Variants in KNDC1 observed in about 807,000 individuals in gnomAD.
The protein encoded by KNDC1 is kinase non-catalytic C-lobe domain containing 1, also known as kinase non-catalytic C-lobe domain-containing protein 1.
KNDC1 carries 106 observed loss-of-function variants against 172.8 expected under a neutral mutation model. The observed-to-expected ratio is 0.61, with a 90% CI of 0.52 to 0.72. KNDC1 has a LOEUF of 0.72. Ranked by LOEUF, KNDC1 falls within the 30% of genes least tolerant of loss-of-function variation. The pLI is 0.00. For synonymous variants in KNDC1, 1,083 were observed against 1,062.2 expected, an observed-to-expected ratio of 1.02 and a Z score of -0.38; for missense variants, 2,325 against 2,394.5, an observed-to-expected ratio of 0.97 and a Z score of 0.61.
At chr10:133,173,032 G>T (rs1048376510) in intron 3 of KNDC1, among the ~76,000 whole-genome samples, 1 of 152,140 alleles carries the variant, frequency 6.6e-6, no homozygotes, top group Non-Finnish European at 1.5e-5. Context: ...ACTGATCTCT[G>T]GTGTTTCTTA....
intron 10 of KNDC1, 137 bp downstream of exon 10, chr10:133,195,958 C>T: frequency 2.2e-6 from 2 of 910,778 alleles, no homozygotes; most frequent in Non-Finnish European, 3.1e-6. Context: ...TTCTAGGTCC[C>T]TGTTTCTAGA....
chr10:133,183,276 A>C (rs1232370297), intron 3 of KNDC1, 68 bp from the exon 4 acceptor site: 12 of 1,472,586 alleles, frequency 8.1e-6, no homozygotes, highest in Middle Eastern at 2.4e-4. Flanking sequence ...GGCCCGGAGA[A>C]GTGCTGGCCG....
chr10:133,224,564 C>A lies in KNDC1; in HGVS notation c.5019-95C>A, dbSNP rs1397251061. Reference sequence around the variant, plus strand: ...AATTTACACGGTGAAAAGATTTAGTCCAAATGATTCCTAAGAACGCGGGGG... The same window carrying A: ...AATTTACACGGTGAAAAGATTTAGTACAAATGATTCCTAAGAACGCGGGGG... On this transcript the variant is annotated intron_variant, in intron 29 of 29. Transcript: ENST00000304613. This position sits in a 1 kb window ranked among gnomAD's most constrained non-coding sequence, Gnocchi z 5.4. 2.8e-5 allele frequency: 24 copies of A among 847,122 alleles called. No homozygotes were observed. The highest frequency in any genetic ancestry group is 3.7e-5 in the Non-Finnish European group (20 of 536,478). The allele number at this position is 847,122 out of a possible 1,614,324, so 52.5% of individuals were successfully genotyped here.
chr10:133,166,301 C>A (rs1042949027), intron 1 of KNDC1, among the ~76,000 whole-genome samples: 11 of 152,198 alleles, frequency 7.2e-5, no homozygotes, highest in Non-Finnish European at 8.8e-5. Flanking sequence ...CCGGCCACCC[C>A]CTCCTACCTG....
rs530142989 is a variant in KNDC1 at position 133,213,025 on chromosome 10, G to A, written c.4443+103G>A. 9.4e-5 allele frequency: 96 copies of A among 1,023,562 alleles called. No homozygotes were observed. In the African/African-American group the frequency reaches 1.3e-3, roughly 14 times the overall value. The allele number at this position is 1,023,562 out of a possible 1,614,324, so 63.4% of individuals were successfully genotyped here. A position where few individuals can be genotyped will look rare whatever the true frequency, so the allele number is the denominator to read the frequency against. On this transcript the variant is annotated intron_variant, in intron 24 of 29. Transcript: ENST00000304613. ...AGCGGCTGCTTCCAGAGGAACAGAC[G>A]GGCAGAGAAGGGGCCAGCTGCCAGG...
At chr10:133,168,620 T>C (rs1853263647) in intron 3 of KNDC1, among the ~76,000 whole-genome samples, 1 of 152,162 alleles carries the variant, frequency 6.6e-6, no homozygotes, top group Non-Finnish European at 1.5e-5. Context: ...TCATTACCAT[T>C]TTATAGCAGG....
At chr10:133,188,674 T>TACCC in intron 7 of KNDC1, 21 bp downstream of exon 7, 1 of 1,215,948 alleles carries the variant, frequency 8.2e-7, no homozygotes, top group South Asian at 1.4e-5. Context: ...CACCATCCCA[T>TACCC]CCCCCCCGCC....
At position 133,199,580 on chromosome 10, in the gene KNDC1, G is replaced by C. The variant is rs748017169; in HGVS notation, c.2881G>C (p.Gly961Arg). 6.2e-7 allele frequency: 1 copy of C among 1,613,596 alleles called. No individual in the cohort carries two copies. Among genetic ancestry groups the C allele is most frequent in the Non-Finnish European group, 8.5e-7 (1 of 1,179,958 alleles). ...GCAGAACCTCTTTAAGGTGGTCAAC[G>C]GGCAGGCGTCACCCTCCCCAAGGTG... ...LLQNLFKVVN[G>R]QASPSPSTAE... is the part of the protein sequence containing the mutation. The change falls in exon 15 of 30, where the codon GGG (glycine) becomes CGG (arginine). Residue 961 changes from glycine to arginine, a missense_variant. Physicochemically the swap from Gly to Arg is moderately radical, Grantham distance 125. Coordinates refer to ENST00000304613, the MANE Select transcript of KNDC1 (RefSeq NM_152643.8).
chr10:133,218,086 C>T (rs1019438122), intron 26 of KNDC1, among the ~76,000 whole-genome samples: 5 of 151,296 alleles, frequency 3.3e-5, no homozygotes, highest in Non-Finnish European at 7.4e-5. Context: ...AGAGTCGATC[C>T]GGGGCATGGC....
Position 133,225,435 on chromosome 10 carries a change from C to T in KNDC1, c.*545C>T, listed in dbSNP as rs79480674. The T allele has an allele frequency of 0.044, 7,087 of 162,314 alleles. 177 individuals are homozygous for T. Among genetic ancestry groups the T allele is most frequent in the Non-Finnish European group, 0.048 (3,604 of 74,740 alleles). 10.1% of individuals were successfully genotyped at this position (162,314 alleles called of 1,614,324 possible). A position where few individuals can be genotyped will look rare whatever the true frequency, so the allele number is the denominator to read the frequency against. On this transcript the variant is annotated 3_prime_UTR_variant, in exon 30 of 30. Coordinates refer to ENST00000304613, the MANE Select transcript of KNDC1 (RefSeq NM_152643.8). ...AGACCCTGCCTGGGTTCACCCCCCACAACCCAGACCCAGAACCGCTCTCCC... is the reference window on the plus strand; with the variant it reads ...AGACCCTGCCTGGGTTCACCCCCCATAACCCAGACCCAGAACCGCTCTCCC...
chr10:133,199,560 A>G lies in KNDC1; in HGVS notation c.2861A>G (p.Asn954Ser). Reference protein sequence around the residue: ...DLYWDEKLLQNLFKVVNGQAS... With the variant: ...DLYWDEKLLQSLFKVVNGQAS... ...TACTGGGATGAGAAGTTGCTGCAGA[A>G]CCTCTTTAAGGTGGTCAACGGGCAG... The change falls in exon 15 of 30, where the codon AAC (asparagine) becomes AGC (serine). Residue 954 changes from asparagine (N) to serine (S), a missense_variant. Asn to Ser is a conservative substitution (Grantham distance 46). Coordinates refer to ENST00000304613, the MANE Select transcript of KNDC1 (RefSeq NM_152643.8). 6.2e-7 allele frequency: 1 copy of G among 1,613,602 alleles called. No individual in the cohort carries two copies. The highest frequency in any genetic ancestry group is 2.2e-5 in the East Asian group (1 of 44,840).
rs1853053476 is a variant in KNDC1 at position 133,163,719 on chromosome 10, G to C, written c.102+3150G>C. The stretch of plus-strand genomic sequence containing the variant: ...GAAGTCTGCCTGGCAGTGTGGCGGG[G>C]GGTGTGGGAGCTTTCTGAATGCACA... On this transcript the variant is annotated intron_variant, in intron 1 of 29. Coordinates refer to ENST00000304613, the MANE Select transcript of KNDC1 (RefSeq NM_152643.8). This position sits in a 1 kb window ranked among gnomAD's most constrained non-coding sequence, Gnocchi z 4.4. Among the ~76,000 whole-genome samples the C allele has an allele frequency of 6.6e-6, 1 of 152,194 alleles. No homozygotes were observed. The highest frequency in any genetic ancestry group is 1.5e-5 in the Non-Finnish European group (1 of 68,016).
At chr10:133,188,088 C>T (rs964046587) in intron 6 of KNDC1, among the ~76,000 whole-genome samples, 1 of 152,162 alleles carries the variant, frequency 6.6e-6, no homozygotes, top group Admixed American at 6.5e-5. Flanking sequence ...CCATCCCTGT[C>T]CCGAGGCCAA....
At chr10:133,184,227 A>G (rs1162960087) in intron 5 of KNDC1, among the ~76,000 whole-genome samples, 1 of 146,012 alleles carries the variant, frequency 6.8e-6, no homozygotes. Context: ...ACCCATGCAC[A>G]CACACCCATG....
In KNDC1 at chr10:133,198,937, G is replaced by T. The variant is rs1450786840; in HGVS notation, c.2429G>T (p.Gly810Val). ...ATCCCACCTGGAGTTGCTTCCGGGG[G>T]CCTCAGGCCCGACGCCCTGGGGCCC... ...EPIPPGVASG[G>V]LRPDALGPTT... is the part of the protein sequence containing the mutation. Residue 810 changes from glycine (G) to valine (V), a missense_variant, in exon 14 of 30, where the codon GGC (glycine) becomes GTC (valine). Gly to Val is a moderately radical substitution (Grantham distance 109). Coordinates refer to ENST00000304613, the MANE Select transcript of KNDC1 (RefSeq NM_152643.8). The T allele has an allele frequency of 1.3e-6, 2 of 1,557,550 alleles. No individual in the cohort carries two copies. The highest frequency in any genetic ancestry group is 1.4e-5 in the African/African-American group (1 of 73,580).
At chr10:133,195,529 G>A (rs1854164695) in intron 9 of KNDC1, 134 bp from the exon 10 acceptor site, 1 of 781,212 alleles carries the variant, frequency 1.3e-6, no homozygotes, top group Admixed American at 4.1e-5. Context: ...TAGATGCTGA[G>A]GAGGGGTCTT....
At position 133,186,563 on chromosome 10, in the gene KNDC1, A is replaced by T; in HGVS notation, c.1215A>T (p.Pro405=). The part of the protein sequence containing the change: ...QPETSHPSQG[P]AEAPADPRDA... Reference sequence around the variant, plus strand: ...AGACTTCACACCCCAGCCAGGGGCCAGCAGAGGCCCCTGCAGACCCTCGAG... The same window carrying T: ...AGACTTCACACCCCAGCCAGGGGCCTGCAGAGGCCCCTGCAGACCCTCGAG... Residue 405 remains proline (P), a synonymous_variant, in exon 6 of 30, where the codon CCA becomes CCT. Transcript: ENST00000304613. 1 of 1,609,872 alleles carries T rather than the reference A, an allele frequency of 6.2e-7. No individual in the cohort carries two copies. Among genetic ancestry groups the T allele is most frequent in the Non-Finnish European group, 8.5e-7 (1 of 1,179,836 alleles).
At position 133,210,673 on chromosome 10, in the gene KNDC1, C is replaced by T; in HGVS notation, c.3857C>T (p.Pro1286Leu). The T allele has an allele frequency of 1.2e-6, 2 of 1,614,108 alleles. No homozygotes were observed. The highest frequency in any genetic ancestry group is 1.7e-6 in the Non-Finnish European group (2 of 1,179,966). ...FLYTFRYFCT[P>L]HDFLHFLLDR... Reference sequence around the variant, plus strand: ...TACACCTTCCGCTACTTCTGCACACCCCACGACTTCCTGCACTTCCTCCTC... The same window carrying T: ...TACACCTTCCGCTACTTCTGCACACTCCACGACTTCCTGCACTTCCTCCTC... Residue 1286 changes from proline (P) to leucine (L), a missense_variant, in exon 21 of 30, where the codon CCC becomes CTC. Coordinates refer to ENST00000304613, the MANE Select transcript of KNDC1 (RefSeq NM_152643.8).
rs1247921498 is a variant in KNDC1 at position 133,168,302 on chromosome 10, A to G, written c.350A>G (p.Asn117Ser). The change falls in exon 3 of 30, where the codon AAC becomes AGC. Residue 117 changes from asparagine (N) to serine (S), a missense_variant. Coordinates refer to ENST00000304613, the MANE Select transcript of KNDC1 (RefSeq NM_152643.8). ...FVPPEFDVTG[N>S]TFEAHIYSLG... ...CCCCCCGAGTTCGACGTGACCGGGA[A>G]CACCTTTGAGGTAAGTGCAGGTGGG... The G allele has an allele frequency of 1.2e-6, 2 of 1,614,084 alleles. No homozygotes were observed. Among genetic ancestry groups the G allele is most frequent in the East Asian group, 2.2e-5 (1 of 44,866 alleles).
Sources: gnomAD v4.1 joint callset for allele counts (sites outside exome capture counted in the v4.1 genomes callset) on GRCh38, gnomAD v4.1.1 for gene constraint, Gnocchi (gnomAD v3.1) non-coding constraint, MANE v1.5 for transcripts, NCBI Gene and HGNC (gene_info 2026-07-23, HGNC 2026-07-21) for gene names.